Variants in APPBP2 observed in about 807,000 individuals in gnomAD.
APPBP2 encodes amyloid beta precursor protein binding protein 2, also known as amyloid protein-binding protein 2.
Under a neutral mutation model 76.0 loss-of-function variants are expected in APPBP2, and 15 were observed. The observed-to-expected ratio is 0.20, with a 90% CI of 0.13 to 0.30. APPBP2 has a LOEUF of 0.30. Among genes scored for constraint, APPBP2 ranks in the 10% least tolerant of loss-of-function variants. The pLI is 1.00. For missense variants in APPBP2, 401 were observed against 687.2 expected, an observed-to-expected ratio of 0.58 and a Z score of 4.66; for synonymous variants, 222 against 242.2, an observed-to-expected ratio of 0.92 and a Z score of 0.77.
chr17:60,524,749 C>T (rs1466317689), intron 1 of APPBP2, among the ~76,000 whole-genome samples: 1 of 152,036 alleles, frequency 6.6e-6, no homozygotes, highest in African/African-American at 2.4e-5. Flanking sequence ...CTGTTCCAGC[C>T]AACTTACAGA....
intron 6 of APPBP2, among the ~76,000 whole-genome samples, chr17:60,463,321 A>C (rs1381544937): frequency 6.6e-6 from 1 of 152,186 alleles, no homozygotes. Context: ...ATACTACTAA[A>C]TGTCCTCAAA....
At chr17:60,493,026 C>A (rs934439277) in intron 3 of APPBP2, among the ~76,000 whole-genome samples, 1 of 152,128 alleles carries the variant, frequency 6.6e-6, no homozygotes, top group Non-Finnish European at 1.5e-5. Context: ...GGTTCCCCAA[C>A]ACTGTTTTCA....
intron 12 of APPBP2, among the ~76,000 whole-genome samples, chr17:60,449,446 AT>A (rs2090374755): frequency 6.6e-6 from 1 of 152,122 alleles, no homozygotes; most frequent in Non-Finnish European, 1.5e-5. Context: ...ATACAAAAAA[AT>A]TATCCAGGTG....
At chr17:60,494,708 C>A (rs1366768581) in intron 2 of APPBP2, 91 bp from the exon 3 acceptor site, 2 of 1,136,474 alleles carry the variant, frequency 1.8e-6, no homozygotes, top group East Asian at 5.4e-5. Flanking sequence ...ATAATAGCAC[C>A]ATTATTTTCC....
chr17:60,515,588 T>C (rs2090956375), intron 1 of APPBP2, among the ~76,000 whole-genome samples: 1 of 152,212 alleles, frequency 6.6e-6, no homozygotes. Context: ...TCGTCACTAC[T>C]GTCCAAGAAT....
chr17:60,469,067 T>G (rs951956051), intron 4 of APPBP2, among the ~76,000 whole-genome samples: 25 of 151,952 alleles, frequency 1.6e-4, no homozygotes, highest in African/African-American at 5.6e-4. Context: ...TTCTTAGAAC[T>G]AGTTTATCCC....
At position 60,445,552 on chromosome 17, in the gene APPBP2, A is replaced by C. The variant is rs1024799050; in HGVS notation, c.*2029T>G. On this transcript the variant is annotated 3_prime_UTR_variant, in exon 13 of 13. Coordinates refer to ENST00000083182, the MANE Select transcript of APPBP2 (RefSeq NM_006380.5). ...ACCACTGGATTCTAAATAACCAATA[A>C]AAGTATACAAAGCCTATCCTGAAAA... 2 of 152,680 alleles carry C rather than the reference A, an allele frequency of 1.3e-5. No individual in the cohort carries two copies. The highest frequency in any genetic ancestry group is 2.9e-5 in the Non-Finnish European group (2 of 68,048). 9.5% of individuals were successfully genotyped at this position (152,680 alleles called of 1,614,324 possible). A position where few individuals can be genotyped will look rare whatever the true frequency, so the allele number is the denominator to read the frequency against.
chr17:60,505,654 T>A (rs2090860763), intron 1 of APPBP2, among the ~76,000 whole-genome samples: 1 of 139,108 alleles, frequency 7.2e-6, no homozygotes, highest in Admixed American at 7.1e-5. Context: ...TCTGAGATCC[T>A]AAAAGCCACC....
chr17:60,490,980 AG>A (rs1489085120), intron 3 of APPBP2, among the ~76,000 whole-genome samples: 1 of 152,206 alleles, frequency 6.6e-6, no homozygotes, highest in African/African-American at 2.4e-5. Flanking sequence ...GAACTAATAA[AG>A]TAAACTGGTG....
chr17:60,443,928 C>T lies in APPBP2; in HGVS notation c.*3653G>A, dbSNP rs570548578. The T allele has an allele frequency of 2.1e-4, 32 of 152,510 alleles. No homozygotes were observed. Among genetic ancestry groups the T allele is most frequent in the Non-Finnish European group, 3.2e-4 (22 of 68,034 alleles). 9.4% of individuals were successfully genotyped at this position (152,510 alleles called of 1,614,324 possible). On this transcript the variant is annotated 3_prime_UTR_variant, in exon 13 of 13. Coordinates refer to ENST00000083182, the MANE Select transcript of APPBP2 (RefSeq NM_006380.5). ...CTGAGATTTATGGACAAAAGAAGTA[C>T]TGTTGAAGCTGGAGATTAATCCAAA...
chr17:60,484,939 C>T (rs1425194289), intron 3 of APPBP2, among the ~76,000 whole-genome samples: 1 of 151,980 alleles, frequency 6.6e-6, no homozygotes, highest in Non-Finnish European at 1.5e-5. Context: ...TTGTCAAAGG[C>T]CTTTCCTGCC....
intron 4 of APPBP2, among the ~76,000 whole-genome samples, chr17:60,469,123 C>T (rs1360648644): frequency 6.6e-6 from 1 of 151,670 alleles, no homozygotes; most frequent in South Asian, 2.1e-4. Flanking sequence ...GTCAGGAGAT[C>T]GAGACCATCC....
At chr17:60,466,167 CT>C in intron 5 of APPBP2, 123 bp downstream of exon 5, 1 of 909,430 alleles carries the variant, frequency 1.1e-6, no homozygotes, top group Non-Finnish European at 1.6e-6. Context: ...CAAATGTGTA[CT>C]GCCTTATATA....
intron 11 of APPBP2, among the ~76,000 whole-genome samples, chr17:60,452,904 G>A (rs888763458): frequency 3.9e-5 from 6 of 152,154 alleles, no homozygotes; most frequent in African/African-American, 7.2e-5. Context: ...ACTGTACTAC[G>A]GCCTGGACAA....
Position 60,447,643 on chromosome 17 carries a change from A to G in APPBP2, c.1696T>C (p.Ser566Pro). The G allele has an allele frequency of 3.1e-6, 5 of 1,614,134 alleles. No homozygotes were observed. The highest frequency in any genetic ancestry group is 4.2e-6 in the Non-Finnish European group (5 of 1,180,032). The part of the protein sequence containing the change: ...ALEDVSTSPQ[S>P]TEEVVQSFLI... ...AAGGACTGCACCACTTCTTCAGTGG[A>G]CTGGGGGCTGGTGCTGACATCTTCA... The change falls in exon 13 of 13, where the codon TCC (serine) becomes CCC (proline). Residue 566 changes from serine (S) to proline (P), a missense_variant. By Grantham distance (74) the Ser-to-Pro change is moderately conservative (BLOSUM62 -1). Around this residue, in one of 5 missense-constraint regions of APPBP2, gnomAD observed 56 missense variants for 76.5 expected, o/e 0.73. Transcript: ENST00000083182.
At chr17:60,483,096 C>G (rs1047834449) in intron 3 of APPBP2, among the ~76,000 whole-genome samples, 2 of 152,034 alleles carry the variant, frequency 1.3e-5, no homozygotes, top group Non-Finnish European at 2.9e-5. Context: ...GCACCTGTTT[C>G]CTGATTTTTT....
chr17:60,522,862 T>C (rs1409102315), intron 1 of APPBP2, among the ~76,000 whole-genome samples: 2 of 145,298 alleles, frequency 1.4e-5, no homozygotes, highest in African/African-American at 5.3e-5. Flanking sequence ...TCTTCCATTC[T>C]TTTTTTTTTT....
intron 1 of APPBP2, among the ~76,000 whole-genome samples, chr17:60,501,146 T>C (rs934259730): frequency 1.3e-5 from 2 of 152,058 alleles, no homozygotes; most frequent in African/African-American, 4.8e-5. Flanking sequence ...AGACCCTATT[T>C]ATAAAATATA....
At chr17:60,467,460 A>C (rs570769393) in intron 4 of APPBP2, among the ~76,000 whole-genome samples, 1 of 152,230 alleles carries the variant, frequency 6.6e-6, no homozygotes, top group Non-Finnish European at 1.5e-5. Context: ...ACTTCCAAAG[A>C]ACCAGGACTA....
Sources: allele counts gnomAD v4.1 joint callset (sites outside exome capture counted in the v4.1 genomes callset), GRCh38; gene constraint gnomAD v4.1.1; regional missense constraint gnomAD v4.1.1; transcripts MANE v1.5; gene names NCBI Gene and HGNC (gene_info 2026-07-23, HGNC 2026-07-21).